The following SCARA3 variants were observed in gnomAD, a reference collection of about 807,000 sequenced individuals.
The protein encoded by SCARA3 is cellular stress response gene protein.
A neutral mutation model predicts 47.0 loss-of-function variants in SCARA3; 39 were observed. The ratio of observed to expected loss-of-function variants is 0.83; its 90% CI spans 0.64 to 1.08. The LOEUF (loss-of-function observed/expected upper bound fraction) is 1.08. Ranked by LOEUF, SCARA3 falls within the 50% of genes least tolerant of loss-of-function variation. SCARA3 has a pLI of 0.00. For missense variants in SCARA3, 724 were observed against 792.3 expected, an observed-to-expected ratio of 0.91 and a Z score of 1.04; for synonymous variants, 356 against 334.1, an observed-to-expected ratio of 1.07 and a Z score of -0.71.
chr8:27,726,515 G>A, the SCARA3 span, among the ~76,000 whole-genome samples: 8 of 152,048 alleles, frequency 5.3e-5, no homozygotes, highest in Non-Finnish European at 1.0e-4. Flanking sequence ...TGACCAATGC[G>A]GTGAAACCCC....
chr8:27,715,168 C>A, the SCARA3 span, among the ~76,000 whole-genome samples: 18 of 152,278 alleles, frequency 1.2e-4, no homozygotes, highest in African/African-American at 4.3e-4. This position sits in a 1 kb window ranked among gnomAD's most constrained non-coding sequence, Gnocchi z 4.2. Flanking sequence ...TGAAACAATC[C>A]TCCCATCTTG....
chr8:27,649,100 A>G (rs1216611485), intron 1 of SCARA3, among the ~76,000 whole-genome samples: 2 of 152,198 alleles, frequency 1.3e-5, no homozygotes, highest in Non-Finnish European at 2.9e-5. Flanking sequence ...TAGGGACCAT[A>G]TTGTCCCAGA....
At chr8:27,647,965 G>A (rs1260378230) in intron 1 of SCARA3, among the ~76,000 whole-genome samples, 1 of 152,170 alleles carries the variant, frequency 6.6e-6, no homozygotes, top group African/African-American at 2.4e-5. Context: ...TCTAGGATGC[G>A]GCTCAAGATG....
At chr8:27,641,018 T>C (rs1801370406) in intron 1 of SCARA3, among the ~76,000 whole-genome samples, 1 of 152,192 alleles carries the variant, frequency 6.6e-6, no homozygotes, top group Non-Finnish European at 1.5e-5. Context: ...TAAAAAATGG[T>C]TTCATAACAT....
chr8:27,634,369 C>T (rs1801201518), intron 1 of SCARA3, among the ~76,000 whole-genome samples, 162 bp downstream of exon 1: 1 of 152,094 alleles, frequency 6.6e-6, no homozygotes, highest in Non-Finnish European at 1.5e-5. Flanking sequence ...CAGGACGGAT[C>T]CCTGAAGACC....
At chr8:27,654,911 A>G (rs1389343537) in intron 3 of SCARA3, among the ~76,000 whole-genome samples, 1 of 152,228 alleles carries the variant, frequency 6.6e-6, no homozygotes, top group East Asian at 1.9e-4. Flanking sequence ...AGGAATAGGA[A>G]TCAAAGTCAC....
the SCARA3 span, among the ~76,000 whole-genome samples, chr8:27,709,745 C>T: frequency 6.6e-6 from 1 of 152,158 alleles, no homozygotes; most frequent in Non-Finnish European, 1.5e-5. Context: ...CAGGCCCCAC[C>T]CAGTGCTGAT....
chr8:27,650,003 T>C (rs1391161681), intron 2 of SCARA3, among the ~76,000 whole-genome samples: 2 of 152,164 alleles, frequency 1.3e-5, no homozygotes, highest in Non-Finnish European at 2.9e-5. Flanking sequence ...TTAATGTTTT[T>C]TTTTCTTAAA....
the SCARA3 span, among the ~76,000 whole-genome samples, chr8:27,683,964 A>C: frequency 6.6e-6 from 1 of 152,336 alleles, no homozygotes; most frequent in Non-Finnish European, 1.5e-5. Context: ...GTATAGTATG[A>C]TTCCATTTAT....
chr8:27,656,915 T>C lies in SCARA3; in HGVS notation c.325+35T>C, dbSNP rs34464037. 2,104 of 1,390,406 alleles carry C rather than the reference T, an allele frequency of 1.5e-3. 34 individuals are homozygous for C. In the African/African-American group the frequency reaches 0.025, roughly 17 times the overall value. 86.1% of individuals were successfully genotyped at this position (1,390,406 alleles called of 1,614,324 possible). ...TGGGCTGATGACTGTGATGCAGTGA[T>C]CTTCAGGGTGGGGCAGGGGTGCCCT... On this transcript the variant is annotated intron_variant, in intron 4 of 5. Coordinates refer to ENST00000301904, the MANE Select transcript of SCARA3 (RefSeq NM_016240.3).
rs1226159014 is a variant in SCARA3 at position 27,667,864 on chromosome 8, G to A, written c.1370-3036G>A. Among the ~76,000 whole-genome samples the A allele has an allele frequency of 3.3e-5, 5 of 152,256 alleles. No individual in the cohort carries two copies. In the East Asian group the frequency reaches 5.8e-4, roughly 18 times the overall value. On this transcript the variant is annotated intron_variant, in intron 5 of 5. Transcript: ENST00000301904. ...GGCACCTGTCAGTAGCCCACGCGGA[G>A]ACCCACAAGATGTAGACAGGCCCCC...
intron 1 of SCARA3, 44 bp downstream of exon 1, chr8:27,634,251 C>T: frequency 7.6e-7 from 1 of 1,324,372 alleles, no homozygotes; most frequent in Middle Eastern, 2.1e-4. Context: ...GGGCCGCCTG[C>T]ACCCCCGCTC....
At chr8:27,713,955 C>T in the SCARA3 span, among the ~76,000 whole-genome samples, 8 of 152,192 alleles carry the variant, frequency 5.3e-5, no homozygotes, top group East Asian at 1.9e-4. Flanking sequence ...TTTGCCATTG[C>T]GAGCTCTTGT....
At chr8:27,703,505 G>C in the SCARA3 span, 1 of 152,362 alleles carries the variant, frequency 6.6e-6, no homozygotes, top group African/African-American at 2.4e-5. Context: ...ACAGACTGCG[G>C]CTCCCTTGAG....
chr8:27,683,088 A>G, the SCARA3 span, among the ~76,000 whole-genome samples: 1 of 152,188 alleles, frequency 6.6e-6, no homozygotes, highest in East Asian at 1.9e-4. Flanking sequence ...AAGTTGCGGC[A>G]TACCCACAGT....
At chr8:27,639,795 G>A (rs1055384193) in intron 1 of SCARA3, among the ~76,000 whole-genome samples, 20 of 152,164 alleles carry the variant, frequency 1.3e-4, no homozygotes, top group Non-Finnish European at 2.5e-4. Flanking sequence ...GAACCATGAT[G>A]GTAATGTCAT....
Position 27,670,957 on chromosome 8 carries a change from C to T in SCARA3, c.1427C>T (p.Pro476Leu), listed in dbSNP as rs373122006. The T allele has an allele frequency of 6.5e-5, 104 of 1,596,790 alleles. No homozygotes were observed. Among genetic ancestry groups the T allele is most frequent in the Non-Finnish European group, 8.0e-5 (94 of 1,174,874 alleles). The change falls in exon 6 of 6, where the codon CCT (proline) becomes CTT (leucine). Residue 476 changes from proline to leucine, a missense_variant. Pro to Leu is a moderately conservative substitution (Grantham distance 98). Transcript: ENST00000301904. Reference protein sequence around the residue: ...GFKGDMGVKGPVGGRGPKGDP... With the variant: ...GFKGDMGVKGLVGGRGPKGDP... The stretch of plus-strand genomic sequence containing the variant: ...AAAGGAGATATGGGCGTGAAAGGGC[C>T]TGTTGGCGGCAGAGGCCCGAAAGGA...
intron 3 of SCARA3, among the ~76,000 whole-genome samples, chr8:27,652,291 C>T (rs547178375): frequency 2.6e-5 from 4 of 152,228 alleles, no homozygotes; most frequent in Admixed American, 1.3e-4. Context: ...AGGCAAGTCA[C>T]TTCTGCCTTC....
At chr8:27,637,302 G>A (rs931275855) in intron 1 of SCARA3, among the ~76,000 whole-genome samples, 1 of 152,252 alleles carries the variant, frequency 6.6e-6, no homozygotes, top group African/African-American at 2.4e-5. Flanking sequence ...GGGACACTCA[G>A]GTGCCACCAG....
Sources: gnomAD v4.1 joint callset for allele counts (sites outside exome capture counted in the v4.1 genomes callset) on GRCh38, gnomAD v4.1.1 for gene constraint, Gnocchi (gnomAD v3.1) non-coding constraint, MANE v1.5 for transcripts, NCBI Gene and HGNC (gene_info 2026-07-23, HGNC 2026-07-21) for gene names.